The following CCPG1 variants were observed in gnomAD, a reference collection of about 807,000 sequenced individuals.
CCPG1 encodes cell cycle progression protein 1.
CCPG1 carries 46 observed loss-of-function variants against 81.3 expected under a neutral mutation model. The ratio of observed to expected loss-of-function variants is 0.57; its 90% CI spans 0.45 to 0.72. The LOEUF is 0.72. Ranked by LOEUF, CCPG1 falls within the 30% of genes least tolerant of loss-of-function variation. The probability of loss-of-function intolerance (pLI) is 0.00; values close to 1 mark genes in which losing one functional copy is unlikely to be tolerated. For missense variants in CCPG1, 902 were observed against 937.6 expected, an observed-to-expected ratio of 0.96 and a Z score of 0.50; for synonymous variants, 330 against 305.2, an observed-to-expected ratio of 1.08 and a Z score of -0.85.
chr15:55,377,866 C>A (rs2056599096), intron 4 of CCPG1, among the ~76,000 whole-genome samples: 1 of 151,950 alleles, frequency 6.6e-6, no homozygotes, highest in Non-Finnish European at 1.5e-5. Context: ...AAATAAATTT[C>A]TGTTTGTTAT....
intron 1 of CCPG1, among the ~76,000 whole-genome samples, chr15:55,393,099 C>G (rs138220312): frequency 6.6e-6 from 1 of 151,480 alleles, no homozygotes; most frequent in African/African-American, 2.4e-5. Flanking sequence ...AGGGAAACTC[C>G]GTCTCAAAAT....
chr15:55,375,924 A>G (rs1370510621), intron 5 of CCPG1, among the ~76,000 whole-genome samples: 2 of 152,150 alleles, frequency 1.3e-5, no homozygotes, highest in Admixed American at 1.3e-4. Flanking sequence ...TCCTGGGTTC[A>G]GGTAATCCAC....
chr15:55,397,901 C>A (rs549101637), intron 1 of CCPG1, among the ~76,000 whole-genome samples: 1 of 151,830 alleles, frequency 6.6e-6, no homozygotes, highest in African/African-American at 2.4e-5. Flanking sequence ...CGCCTGAACT[C>A]GGGAGGTGGA....
At chr15:55,357,445 C>A (rs965248876) in intron 8 of CCPG1, 38 of 985,194 alleles carry the variant, frequency 3.9e-5, no homozygotes, top group South Asian at 9.4e-5. Context: ...TAGGCTGCTA[C>A]CAATACATTA....
In CCPG1 at chr15:55,355,503, G is replaced by C; in HGVS notation, c.*717C>G. ...CTGCTTAAATACTTCGGTAAACACTGGGTAAGATTCATGGAACTTAGAAAA... is the reference window on the plus strand; with the variant it reads ...CTGCTTAAATACTTCGGTAAACACTCGGTAAGATTCATGGAACTTAGAAAA... On this transcript the variant is annotated 3_prime_UTR_variant, in exon 9 of 9. Transcript: ENST00000442196. The C allele has an allele frequency of 8.0e-7, 1 of 1,251,168 alleles. No individual in the cohort carries two copies. The highest frequency in any genetic ancestry group is 1.1e-6 in the Non-Finnish European group (1 of 893,656). 77.5% of individuals were successfully genotyped at this position (1,251,168 alleles called of 1,614,324 possible).
chr15:55,399,848 C>G (rs1313558764), intron 1 of CCPG1: 1 of 152,064 alleles, frequency 6.6e-6, no homozygotes, highest in Non-Finnish European at 1.5e-5. Context: ...AATTCCAATA[C>G]TTTGGGAGGC....
chr15:55,364,174 A>T (rs1275687457), intron 7 of CCPG1, among the ~76,000 whole-genome samples: 2 of 150,622 alleles, frequency 1.3e-5, no homozygotes, highest in Non-Finnish European at 3.0e-5. Context: ...TAGATAAGAG[A>T]CCAGCTATTT....
rs1063565 is a variant in CCPG1, at chr15:55,360,115, C to G, written c.1658G>C (p.Gly553Ala). 2 of 1,613,572 alleles carry G rather than the reference C, an allele frequency of 1.2e-6. No individual in the cohort carries two copies. The highest frequency in any genetic ancestry group is 1.3e-5 in the African/African-American group (1 of 74,876). The change falls in exon 8 of 9, where the codon GGT becomes GCT. Residue 553 changes from glycine (G) to alanine (A), a missense_variant. Gly to Ala is a moderately conservative substitution (Grantham distance 60). Coordinates refer to ENST00000442196, the MANE Select transcript of CCPG1 (RefSeq NM_001204450.2). The stretch of plus-strand genomic sequence containing the variant: ...TTTTTCAGCTGCTTCTTTTGTAGCA[C>G]CAAATCTTTTATTACCCTTTTCATC... ...IFDEKGNKRF[G>A]ATKEAAEKPR...
At chr15:55,364,303 C>T (rs1384464457) in intron 7 of CCPG1, among the ~76,000 whole-genome samples, 6 of 150,052 alleles carry the variant, frequency 4.0e-5, no homozygotes, top group African/African-American at 1.5e-4. Context: ...TCCCTTCCAT[C>T]AGAATAAAAA....
intron 1 of CCPG1, among the ~76,000 whole-genome samples, chr15:55,396,836 G>C (rs904373457): frequency 6.6e-6 from 1 of 152,162 alleles, no homozygotes; most frequent in African/African-American, 2.4e-5. Flanking sequence ...ATAAAGCTGA[G>C]ATCAGAGCTC....
rs1472217665 is a variant in CCPG1 at position 55,371,971 on chromosome 15, T to A, written c.528A>T (p.Arg176Ser). The change falls in exon 6 of 9, where the codon AGA (arginine) becomes AGT (serine). Residue 176 changes from arginine to serine, a missense_variant. This residue lies in a region of CCPG1 where 746 missense variants were observed against 728.6 expected (regional missense o/e 1.02). Coordinates refer to ENST00000442196, the MANE Select transcript of CCPG1 (RefSeq NM_001204450.2). ...CGGTCTTCTTCCTAGCACGGCGTCG[T>A]CTAAAGGCAGGACTGGGCTGATTAC... ...ETSNQPSPAF[R>S]RRRARKKTVS... The A allele has an allele frequency of 6.2e-7, 1 of 1,614,158 alleles. No individual in the cohort carries two copies. Among genetic ancestry groups the A allele is most frequent in the Non-Finnish European group, 8.5e-7 (1 of 1,180,014 alleles).
At chr15:55,357,069 C>A in intron 8 of CCPG1, 1 of 985,420 alleles carries the variant, frequency 1.0e-6, no homozygotes, top group Non-Finnish European at 1.2e-6. Context: ...TTGGTGTTCT[C>A]CCAGGAGTCT....
At chr15:55,401,128 A>AT (rs932268857) in intron 1 of CCPG1, among the ~76,000 whole-genome samples, 2 of 151,652 alleles carry the variant, frequency 1.3e-5, no homozygotes, top group Non-Finnish European at 2.9e-5. Flanking sequence ...ATGCATTTGG[A>AT]TTTTTTTTCT....
intron 1 of CCPG1, among the ~76,000 whole-genome samples, chr15:55,402,663 CAT>C (rs1418794910): frequency 6.6e-6 from 1 of 152,198 alleles, no homozygotes; most frequent in Non-Finnish European, 1.5e-5. Flanking sequence ...ATCTAAACTC[CAT>C]TATTTCTTTG....
intron 3 of CCPG1, among the ~76,000 whole-genome samples, chr15:55,384,810 A>G (rs1339580729): frequency 6.6e-6 from 1 of 152,244 alleles, no homozygotes; most frequent in Non-Finnish European, 1.5e-5. Flanking sequence ...TAAAAAATGT[A>G]GTATCTGCGA....
At chr15:55,361,870 A>G (rs1249664301) in intron 7 of CCPG1, among the ~76,000 whole-genome samples, 2 of 152,214 alleles carry the variant, frequency 1.3e-5, no homozygotes, top group African/African-American at 4.8e-5. Flanking sequence ...AAGTAAGTAC[A>G]GATAAGCCAT....
chr15:55,364,699 C>T (rs2056284348), intron 7 of CCPG1, among the ~76,000 whole-genome samples: 1 of 150,378 alleles, frequency 6.6e-6, no homozygotes. Context: ...AGTGAAACCC[C>T]GTCTCTACTA....
At chr15:55,362,632 G>A (rs1319223017) in intron 7 of CCPG1, among the ~76,000 whole-genome samples, 8 of 152,178 alleles carry the variant, frequency 5.3e-5, no homozygotes, top group Non-Finnish European at 7.3e-5. Context: ...CATTCCTCGT[G>A]CAGTAAATAT....
chr15:55,407,037 AC>A lies in CCPG1; in HGVS notation c.-10+1183del, dbSNP rs751198168. ...AGACCAGCCTGGCCGACACGTTGAG[AC>A]CCCCCCCCCCGCCCCGCCGTCTCTA... On this transcript the variant is annotated intron_variant, in intron 1 of 8. Transcript: ENST00000442196. Among the ~76,000 whole-genome samples the A allele has an allele frequency of 8.6e-3, 965 of 112,620 alleles. 32 individuals carry two copies. The highest frequency in any genetic ancestry group is 0.011 in the South Asian group (42 of 3,696). 73.9% of individuals were successfully genotyped at this position (112,620 alleles called of 152,430 possible).
Sources: allele counts gnomAD v4.1 joint callset (sites outside exome capture counted in the v4.1 genomes callset), GRCh38; gene constraint gnomAD v4.1.1; regional missense constraint gnomAD v4.1.1; transcripts MANE v1.5; gene names NCBI Gene and HGNC (gene_info 2026-07-23, HGNC 2026-07-21).